PCDHA11: variants seen among roughly 807,000 people sequenced by gnomAD.
PCDHA11 encodes protocadherin alpha 11, also known as protocadherin alpha-11.
PCDHA11 carries 61 observed loss-of-function variants against 70.3 expected under a neutral mutation model. The observed-to-expected ratio is 0.87, with a 90% CI of 0.71 to 1.07. The LOEUF is 1.07. Ranked by LOEUF, PCDHA11 falls within the 50% of genes least tolerant of loss-of-function variation. The pLI is 0.00. For synonymous variants in PCDHA11, 633 were observed against 555.1 expected (o/e 1.14, Z -1.97); for missense variants, 1,324 against 1,237.5 (o/e 1.07, Z -1.05).
At position 140,883,880 on chromosome 5, in the gene PCDHA11, C is replaced by T. The variant is rs782301944; in HGVS notation, c.2391+12386C>T. The stretch of plus-strand genomic sequence containing the variant: ...GCTGTTGCAGTTCCAGGTGAGCGCG[C>T]GCGACTCTGGCGTGCCGCCTCTGGG... On this transcript the variant is annotated intron_variant, in intron 1 of 3. Transcript: ENST00000398640. 20 of 1,613,304 alleles carry T rather than the reference C, an allele frequency of 1.2e-5. No homozygotes were observed. The Middle Eastern group carries it at 6.9e-4, about 56-fold the overall frequency.
intron 1 of PCDHA11, among the ~76,000 whole-genome samples, chr5:140,879,240 C>T (rs1266442175): frequency 6.6e-6 from 1 of 152,134 alleles, no homozygotes; most frequent in Non-Finnish European, 1.5e-5. Flanking sequence ...ACAAGAGGCA[C>T]TGGCAAAGTA....
intron 1 of PCDHA11, among the ~76,000 whole-genome samples, chr5:140,881,865 T>C (rs1380240082): frequency 6.6e-6 from 1 of 152,222 alleles, no homozygotes; most frequent in Non-Finnish European, 1.5e-5. Flanking sequence ...AATAAATTTG[T>C]GGCAAAATGA....
chr5:140,887,624 GT>G (rs1369272233), intron 1 of PCDHA11, among the ~76,000 whole-genome samples: 1 of 151,558 alleles, frequency 6.6e-6, no homozygotes, highest in Non-Finnish European at 1.5e-5. Flanking sequence ...TTTTCTTTAT[GT>G]TAGTCTGTTG....
At chr5:140,916,463 G>A (rs934007072) in intron 1 of PCDHA11, among the ~76,000 whole-genome samples, 2 of 152,212 alleles carry the variant, frequency 1.3e-5, no homozygotes, top group African/African-American at 2.4e-5. Flanking sequence ...TATCACTGCT[G>A]GTTATTTGGT....
intron 1 of PCDHA11, chr5:140,877,053 G>A: frequency 1.9e-6 from 3 of 1,612,784 alleles, no homozygotes; most frequent in African/African-American, 1.3e-5. Context: ...ACCACGAGGA[G>A]CTGGAGCTGC....
At chr5:140,887,357 A>G (rs112910602) in intron 1 of PCDHA11, among the ~76,000 whole-genome samples, 1 of 152,032 alleles carries the variant, frequency 6.6e-6, no homozygotes, top group Non-Finnish European at 1.5e-5. Flanking sequence ...CGGCCTCCCA[A>G]AGTGCTGGGA....
At chr5:140,925,072 G>C (rs921580794) in intron 1 of PCDHA11, among the ~76,000 whole-genome samples, 1 of 149,184 alleles carries the variant, frequency 6.7e-6, no homozygotes, top group Non-Finnish European at 1.5e-5. Context: ...AAAGCAACAC[G>C]CTCATCTGGA....
At chr5:140,950,389 T>C (rs269550) in intron 1 of PCDHA11, among the ~76,000 whole-genome samples, 33,984 of 151,960 alleles carry the variant, frequency 0.22, 4,900 homozygotes, top group African/African-American at 0.41. Context: ...TTGAATGATA[T>C]AGAATTCTGG....
At chr5:140,987,952 C>T (rs1176597775) in intron 3 of PCDHA11, among the ~76,000 whole-genome samples, 1 of 152,128 alleles carries the variant, frequency 6.6e-6, no homozygotes, top group African/African-American at 2.4e-5. Flanking sequence ...TCTGACAAAA[C>T]CAACTCCCCA....
intron 1 of PCDHA11, among the ~76,000 whole-genome samples, chr5:140,944,308 C>T (rs1385219466): frequency 6.6e-6 from 1 of 152,138 alleles, no homozygotes; most frequent in Non-Finnish European, 1.5e-5. Context: ...CTACCTCAGC[C>T]TCCTGAGTAG....
intron 1 of PCDHA11, among the ~76,000 whole-genome samples, chr5:140,947,967 T>C (rs565128955): frequency 1.2e-4 from 18 of 151,462 alleles, no homozygotes; most frequent in Non-Finnish European, 2.2e-4. Flanking sequence ...ATTAAGTATG[T>C]GCTACTCATA....
Position 140,882,692 on chromosome 5 carries a change from AT to A in PCDHA11, c.2391+11200del, listed in dbSNP as rs782355155. On this transcript the variant is annotated intron_variant, in intron 1 of 3. Coordinates refer to ENST00000398640, the MANE Select transcript of PCDHA11 (RefSeq NM_018902.5). The stretch of plus-strand genomic sequence containing the variant: ...CCCTGAAAGCAAGAAACGAATAATC[AT>A]TGCAGAATCTAGACCTCCGGAAACT... The A allele has an allele frequency of 2.1e-5, 34 of 1,614,204 alleles. No individual in the cohort carries two copies. In the South Asian group the frequency reaches 3.5e-4, roughly 17 times the overall value.
chr5:140,928,917 G>A (rs181013464), intron 1 of PCDHA11: 4 of 1,614,134 alleles, frequency 2.5e-6, no homozygotes, highest in Admixed American at 1.7e-5. Context: ...AACCAGGAGG[G>A]CAGCTTTCTG....
intron 1 of PCDHA11, chr5:140,883,607 G>A (rs782736793): frequency 6.2e-7 from 1 of 1,613,968 alleles, no homozygotes; most frequent in Non-Finnish European, 8.5e-7. Context: ...GGGGGTGGCC[G>A]ACGTGAACGA....
Position 140,926,930 on chromosome 5 carries a change from T to A in PCDHA11, c.2392-52019T>A, listed in dbSNP as rs1554203828. On this transcript the variant is annotated intron_variant, in intron 1 of 3. Coordinates refer to ENST00000398640, the MANE Select transcript of PCDHA11 (RefSeq NM_018902.5). ...GGGGTGGCAGTTTTATGTTTGTGGG[T>A]TTCCTGCGGCGCTGCAGCGGGACAG... 6 of 1,575,058 alleles carry A rather than the reference T, an allele frequency of 3.8e-6. No individual in the cohort carries two copies. The East Asian group carries it at 1.4e-4, about 35-fold the overall frequency.
chr5:140,871,328 G>T lies in PCDHA11; in HGVS notation c.2225G>T (p.Arg742Leu), dbSNP rs374687707. The change falls in exon 1 of 4, where the codon CGC (arginine) becomes CTC (leucine). Residue 742 changes from arginine (R) to leucine (L), a missense_variant. Arg to Leu is a moderately radical substitution (Grantham distance 102, BLOSUM62 -2). Transcript: ENST00000398640. ...GGGAAGCCCACGCTGGTGTGCTCCC[G>T]CGCGGTGGGGAGCTGGTCATACTCG... ...APGKPTLVCS[R>L]AVGSWSYSQQ... is the part of the protein sequence containing the mutation. 2.5e-6 allele frequency: 4 copies of T among 1,614,128 alleles called. No homozygotes were observed. Among genetic ancestry groups the T allele is most frequent in the African/African-American group, 1.3e-5 (1 of 75,072 alleles).
At chr5:140,902,367 T>C (rs2153476761) in intron 1 of PCDHA11, among the ~76,000 whole-genome samples, 1 of 152,142 alleles carries the variant, frequency 6.6e-6, no homozygotes, top group Middle Eastern at 3.4e-3. Flanking sequence ...TTCTCTTGTC[T>C]AATTGCTCTA....
rs1554163381 is a variant in PCDHA11 at position 140,869,724 on chromosome 5, A to G, written c.621A>G (p.Glu207=). 6.2e-7 allele frequency: 1 copy of G among 1,613,416 alleles called. No homozygotes were observed. The change falls in exon 1 of 4, where the codon GAA becomes GAG. Residue 207 remains glutamate, a synonymous_variant. Transcript: ENST00000398640. ...CTCTGGATAGAGAGAAAACTCCGGA[A>G]CTTAATTTGCTGCTAACAGCTACAG... The part of the protein sequence containing the change: ...KKSLDREKTP[E]LNLLLTATDG...
At chr5:140,877,801 C>T in intron 1 of PCDHA11, 1 of 1,613,416 alleles carries the variant, frequency 6.2e-7, no homozygotes, top group South Asian at 1.1e-5. Context: ...CCCAAGCCTT[C>T]AGCTGTCTCG....
Sources: allele counts gnomAD v4.1 joint callset (sites outside exome capture counted in the v4.1 genomes callset), GRCh38; gene constraint gnomAD v4.1.1; transcripts MANE v1.5; gene names NCBI Gene and HGNC (gene_info 2026-07-23, HGNC 2026-07-21).